Variants in TENM4 observed in about 807,000 individuals in gnomAD.
TENM4 encodes teneurin-4.
TENM4 carries 82 observed loss-of-function variants against 243.3 expected under a neutral mutation model. The observed-to-expected ratio is 0.34, with a 90% CI of 0.28 to 0.40. The LOEUF is 0.40. TENM4 is among the 10% of genes least tolerant of loss of function. The pLI, the probability that TENM4 is intolerant of heterozygous loss-of-function variation, is 1.00. For synonymous variants in TENM4, 1,412 were observed against 1,456.3 expected (o/e 0.97, Z 0.69); for missense variants, 3,138 against 3,673.3 (o/e 0.85, Z 3.77).
intron 33 of TENM4, among the ~76,000 whole-genome samples, chr11:78,661,056 G>T (rs906372922): frequency 6.6e-6 from 1 of 152,142 alleles, no homozygotes; most frequent in Non-Finnish European, 1.5e-5. Context: ...TACGGCTGTG[G>T]GATCTTTGTG....
At chr11:78,826,035 C>A (rs1022722983) in intron 12 of TENM4, among the ~76,000 whole-genome samples, 6 of 148,342 alleles carry the variant, frequency 4.0e-5, no homozygotes, top group Non-Finnish European at 8.9e-5. Flanking sequence ...TCACCAAGCT[C>A]TCTACTACTT....
intron 32 of TENM4, among the ~76,000 whole-genome samples, chr11:78,667,294 G>A (rs1858181095): frequency 6.6e-6 from 1 of 152,092 alleles, no homozygotes; most frequent in South Asian, 2.1e-4. Flanking sequence ...CTCTCAATGT[G>A]TGACAACATG....
chr11:79,282,785 T>C (rs1218942872), intron 2 of TENM4, among the ~76,000 whole-genome samples: 4 of 150,984 alleles, frequency 2.6e-5, no homozygotes, highest in African/African-American at 7.3e-5. Context: ...GAGTATTTAT[T>C]CAGGCATTTG....
intron 2 of TENM4, among the ~76,000 whole-genome samples, chr11:79,261,992 T>C (rs1464487099): frequency 6.6e-6 from 1 of 152,236 alleles, no homozygotes; most frequent in African/African-American, 2.4e-5. Context: ...GATTTTCTTA[T>C]ATTTTGAAGA....
At chr11:79,244,187 T>G (rs1446080702) in intron 2 of TENM4, among the ~76,000 whole-genome samples, 2 of 152,150 alleles carry the variant, frequency 1.3e-5, no homozygotes, top group African/African-American at 2.4e-5. Flanking sequence ...TTTATAAAAG[T>G]CCCAGGTGAG....
At chr11:79,380,431 T>C (rs189842973) in intron 1 of TENM4, among the ~76,000 whole-genome samples, 2 of 152,266 alleles carry the variant, frequency 1.3e-5, no homozygotes, top group East Asian at 3.9e-4. Context: ...TGGGAGAATC[T>C]CCATCCTTGG....
chr11:79,183,517 C>T (rs972635843), intron 3 of TENM4, among the ~76,000 whole-genome samples: 1 of 151,980 alleles, frequency 6.6e-6, no homozygotes, highest in South Asian at 2.1e-4. Flanking sequence ...TGTACAATAC[C>T]AAGAGTGAAC....
chr11:79,383,596 T>C (rs1027470582), intron 1 of TENM4, among the ~76,000 whole-genome samples: 2 of 152,194 alleles, frequency 1.3e-5, no homozygotes, highest in African/African-American at 4.8e-5. Flanking sequence ...CTTCATGTTC[T>C]GTGCCAGGTG....
chr11:79,021,064 T>C (rs570661500), intron 6 of TENM4, among the ~76,000 whole-genome samples: 125 of 152,320 alleles, frequency 8.2e-4, no homozygotes, highest in African/African-American at 3.0e-3. Context: ...GAGCCTAGCA[T>C]ACAATAGACA....
chr11:79,364,924 C>G (rs1446056573), intron 1 of TENM4, among the ~76,000 whole-genome samples: 1 of 152,186 alleles, frequency 6.6e-6, no homozygotes, highest in Non-Finnish European at 1.5e-5. Context: ...TACAGTACAA[C>G]AGATACATTG....
intron 6 of TENM4, among the ~76,000 whole-genome samples, chr11:78,939,624 T>C (rs1185585970): frequency 6.6e-6 from 1 of 152,226 alleles, no homozygotes; most frequent in South Asian, 2.1e-4. Flanking sequence ...CCATTCTCTA[T>C]GTTCCCATAG....
chr11:78,818,902 A>G (rs551687893), intron 12 of TENM4, among the ~76,000 whole-genome samples: 1 of 151,956 alleles, frequency 6.6e-6, no homozygotes, highest in South Asian at 2.1e-4. Context: ...GGTATATGGC[A>G]TGTTGGAAAA....
intron 21 of TENM4, 57 bp downstream of exon 21, chr11:78,732,259 C>G (rs1023716484): frequency 6.5e-7 from 1 of 1,539,760 alleles, no homozygotes; most frequent in African/African-American, 1.4e-5. Context: ...TGAGATCCTC[C>G]TCCACCCCCA....
chr11:79,273,535 C>T (rs1401538700), intron 2 of TENM4, among the ~76,000 whole-genome samples: 1 of 152,194 alleles, frequency 6.6e-6, no homozygotes, highest in African/African-American at 2.4e-5. Flanking sequence ...ATTTCAATCG[C>T]TTCGCAAAGC....
At chr11:78,819,816 C>A (rs1425966461) in intron 12 of TENM4, among the ~76,000 whole-genome samples, 1 of 152,166 alleles carries the variant, frequency 6.6e-6, no homozygotes, top group Non-Finnish European at 1.5e-5. Context: ...TTGTTGTCTC[C>A]TTAAATTATA....
rs114758791 is a variant in TENM4 at position 79,123,578 on chromosome 11, T to A, written c.-66+25132A>T. On this transcript the variant is annotated intron_variant, in intron 4 of 33. Transcript: ENST00000278550. ...CTGTTGAGAACTCTGGACTCTTCTC[T>A]CCAGACAAACGCAGTAGCCCCTTTT... 9.2e-3 allele frequency among the ~76,000 whole-genome samples: 1,369 copies of A among 149,458 alleles called. 23 individuals carry two copies. Among genetic ancestry groups the A allele is most frequent in the African/African-American group, 0.032 (1,300 of 40,612 alleles).
Position 79,205,423 on chromosome 11 carries a change from C to T in TENM4, c.-163+10385G>A, listed in dbSNP as rs187653828. On this transcript the variant is annotated intron_variant, in intron 3 of 33. Transcript: ENST00000278550. ...CCATCACCACAGTCGAGATACAGAACGTCTCCACAGGCAAGGATCCTCATG... is the reference window on the plus strand; with the variant it reads ...CCATCACCACAGTCGAGATACAGAATGTCTCCACAGGCAAGGATCCTCATG... Among the ~76,000 whole-genome samples the T allele has an allele frequency of 1.4e-3, 217 of 152,218 alleles. 2 individuals are homozygous for T. The highest frequency in any genetic ancestry group is 1.6e-3 in the Non-Finnish European group (111 of 68,026).
intron 6 of TENM4, among the ~76,000 whole-genome samples, chr11:78,988,074 T>C (rs75653741): frequency 0.012 from 1,799 of 152,310 alleles, 35 homozygotes; most frequent in African/African-American, 0.041. Context: ...GTGATACCAA[T>C]AGGATATTGT....
Position 78,786,996 on chromosome 11 carries a change from T to C in TENM4, c.2267A>G (p.Asp756Gly). 1 of 1,574,144 alleles carries C rather than the reference T, an allele frequency of 6.4e-7. No homozygotes were observed. ...ACAGCGCGGGTGGCAGGCCCGCTGG[T>C]CGCAGGCTGCCCCCATCCAGCCATC... is the stretch of plus-strand genomic sequence containing the variant. ...CEDGWMGAAC[D>G]QRACHPRCAE... Residue 756 changes from aspartate to glycine, a missense_variant, in exon 16 of 34, where the codon GAC (aspartate) becomes GGC (glycine). By Grantham distance (94) the Asp-to-Gly change is moderately conservative (BLOSUM62 -1). Coordinates refer to ENST00000278550, the MANE Select transcript of TENM4 (RefSeq NM_001098816.3).
Sources: gnomAD v4.1 joint callset for allele counts (sites outside exome capture counted in the v4.1 genomes callset) on GRCh38, gnomAD v4.1.1 for gene constraint, MANE v1.5 for transcripts, NCBI Gene and HGNC (gene_info 2026-07-23, HGNC 2026-07-21) for gene names.